ABCD3: variants seen among roughly 807,000 people sequenced by gnomAD.
The protein encoded by ABCD3 is ATP-binding cassette sub-family D member 3.
A neutral mutation model predicts 105.5 loss-of-function variants in ABCD3; 41 were observed. The ratio of observed to expected loss-of-function variants is 0.39; its 90% CI spans 0.30 to 0.50. The LOEUF (loss-of-function observed/expected upper bound fraction) is 0.50, where lower values mean the gene tolerates loss of function less well. Ranked by LOEUF, ABCD3 falls within the 20% of genes least tolerant of loss-of-function variation. The pLI is 0.84. For missense variants in ABCD3, 622 were observed against 806.3 expected (o/e 0.77, Z 2.77); for synonymous variants, 258 against 269.0 (o/e 0.96, Z 0.40).
chr1:94,493,625 T>C (rs1203185919), intron 16 of ABCD3, among the ~76,000 whole-genome samples: 1 of 151,416 alleles, frequency 6.6e-6, no homozygotes, highest in African/African-American at 2.4e-5. Flanking sequence ...ATCATGCTGC[T>C]ATAAAGACAC....
At position 94,507,211 on chromosome 1, in the gene ABCD3, A is replaced by G. The variant is rs542024001; in HGVS notation, c.1845+569A>G. On this transcript the variant is annotated intron_variant, in intron 21 of 22. Coordinates refer to ENST00000370214, the MANE Select transcript of ABCD3 (RefSeq NM_002858.4). ...TGTGTCCATGTGTTCTCATTGTTCA[A>G]TTCCCACCTATGAGTGAGAATATGC... Among the ~76,000 whole-genome samples, 18 of 152,012 alleles carry G rather than the reference A, an allele frequency of 1.2e-4. 1 individual carries two copies. The South Asian group carries it at 2.3e-3, about 19-fold the overall frequency.
At chr1:94,411,270 T>G in the ABCD3 span, among the ~76,000 whole-genome samples, 1 of 152,128 alleles carries the variant, frequency 6.6e-6, no homozygotes, top group Non-Finnish European at 1.5e-5. Flanking sequence ...CAAAGAATTT[T>G]TACAACTCAA....
chr1:94,467,933 A>G lies in ABCD3; in HGVS notation c.261A>G (p.Val87=). ...RTFCKETGYL[V]LIAVMLVSRT... ...GTTTATTTTAGACAGGTTACTTGGT[A>G]CTTATTGCTGTTATGCTGGTGTCTC... The change falls in exon 4 of 23, where the codon GTA becomes GTG. Residue 87 remains valine, a synonymous_variant. Coordinates refer to ENST00000370214, the MANE Select transcript of ABCD3 (RefSeq NM_002858.4). The G allele has an allele frequency of 1.2e-6, 2 of 1,612,584 alleles. No homozygotes were observed. Among genetic ancestry groups the G allele is most frequent in the Non-Finnish European group, 1.7e-6 (2 of 1,178,842 alleles).
rs16946 is a variant in ABCD3 at position 94,464,789 on chromosome 1, G to A, written c.162G>A (p.Lys54=). The A allele has an allele frequency of 0.45, 717,047 of 1,610,872 alleles. 166,889 individuals carry two copies. Among genetic ancestry groups the A allele is most frequent in the Middle Eastern group, 0.54 (3,271 of 6,052 alleles). Reference sequence around the variant, plus strand: ...TTTTAATGCAGAAAGAGGGGAAAAAGGAGCGAGCTGTGGTGGACAAGGTGT... The same window carrying A: ...TTTTAATGCAGAAAGAGGGGAAAAAAGAGCGAGCTGTGGTGGACAAGGTGT... ...PLQNNEKEGK[K]ERAVVDKVFF... Residue 54 remains lysine, a synonymous_variant, in exon 3 of 23, where the codon AAG becomes AAA. Coordinates refer to ENST00000370214, the MANE Select transcript of ABCD3 (RefSeq NM_002858.4).
intron 16 of ABCD3, among the ~76,000 whole-genome samples, chr1:94,494,475 T>G (rs758029799): frequency 1.3e-4 from 20 of 152,202 alleles, no homozygotes; most frequent in Non-Finnish European, 2.5e-4. Context: ...TTATTGTTTT[T>G]CTTAACATAG....
Position 94,418,446 on chromosome 1 carries a change from T to TC in ABCD3, c.-29dup. 6.5e-7 allele frequency: 1 copy of TC among 1,530,664 alleles called. No individual in the cohort carries two copies. Among genetic ancestry groups the TC allele is most frequent in the South Asian group, 1.1e-5 (1 of 87,076 alleles). The allele number at this position is 1,530,664 out of a possible 1,614,324, so 94.8% of individuals were successfully genotyped here. A position where few individuals can be genotyped will look rare whatever the true frequency, so the allele number is the denominator to read the frequency against. On this transcript the variant is annotated 5_prime_UTR_variant, in exon 1 of 23. Transcript: ENST00000370214. Reference sequence around the variant, plus strand: ...AGCCGCCGCCGCCGCCGCCGCCGCGTCCCCTCGCCGGCTCGCTGGTACCGG... The same window carrying TC: ...AGCCGCCGCCGCCGCCGCCGCCGCGTCCCCCTCGCCGGCTCGCTGGTACCGG...
At chr1:94,385,896 A>C in the ABCD3 span, among the ~76,000 whole-genome samples, 1 of 152,240 alleles carries the variant, frequency 6.6e-6, no homozygotes, top group Admixed American at 6.5e-5. Context: ...TAACCATGAA[A>C]AAAAAATGCT....
At chr1:94,410,256 A>G in the ABCD3 span, among the ~76,000 whole-genome samples, 1 of 152,098 alleles carries the variant, frequency 6.6e-6, no homozygotes, top group African/African-American at 2.4e-5. Flanking sequence ...TAGTACTTTG[A>G]TTGTATATCC....
the ABCD3 span, among the ~76,000 whole-genome samples, chr1:94,398,536 C>T: frequency 3.3e-5 from 5 of 152,184 alleles, no homozygotes; most frequent in African/African-American, 9.7e-5. Flanking sequence ...ACCCCCACCC[C>T]CTGCGGTTTG....
the ABCD3 span, among the ~76,000 whole-genome samples, chr1:94,411,372 G>A: frequency 0.39 from 59,279 of 151,940 alleles, 11,946 homozygotes; most frequent in East Asian, 0.46. Context: ...CACGTGAAAA[G>A]ATGCTCAAAA....
At position 94,473,833 on chromosome 1, in the gene ABCD3, C is replaced by G. The variant is rs1231372126; in HGVS notation, c.403C>G (p.Leu135Val). The change falls in exon 5 of 23, where the codon CTT becomes GTT. Residue 135 changes from leucine (L) to valine (V), a missense_variant and splice_region_variant. Physicochemically the swap from Leu to Val is conservative, Grantham distance 32. Around this residue, in one of 4 missense-constraint regions of ABCD3, gnomAD observed 245 missense variants for 356.4 expected, o/e 0.69. Transcript: ENST00000370214. ...YLLNFIAAMP[L>V]ISLVNNFLKY... is the part of the protein sequence containing the mutation. ...ACTCAACTTCATCGCTGCCATGCCT[C>G]TTGTAAGTTTAATTCATTAAAAATC... is the stretch of plus-strand genomic sequence containing the variant. 1 of 1,611,068 alleles carries G rather than the reference C, an allele frequency of 6.2e-7. No individual in the cohort carries two copies. Among genetic ancestry groups the G allele is most frequent in the Non-Finnish European group, 8.5e-7 (1 of 1,178,224 alleles).
At chr1:94,505,553 AGAGAT>A (rs1650312869) in intron 20 of ABCD3, among the ~76,000 whole-genome samples, 1 of 152,024 alleles carries the variant, frequency 6.6e-6, no homozygotes, top group Non-Finnish European at 1.5e-5. Flanking sequence ...AGTATGAGTG[AGAGAT>A]GCATATTGCA....
chr1:94,481,450 A>C (rs922795333), intron 9 of ABCD3: 2 of 152,290 alleles, frequency 1.3e-5, no homozygotes, highest in Admixed American at 6.5e-5. Flanking sequence ...TGCCAAGTAA[A>C]TGAAAGATGC....
chr1:94,482,578 T>G (rs192112086), intron 9 of ABCD3: 1 of 152,878 alleles, frequency 6.5e-6, no homozygotes, highest in East Asian at 1.9e-4. Context: ...TAAAATACCT[T>G]TTTTTTCTAG....
the ABCD3 span, among the ~76,000 whole-genome samples, chr1:94,390,452 G>T: frequency 6.6e-6 from 1 of 152,054 alleles, no homozygotes; most frequent in African/African-American, 2.4e-5. Flanking sequence ...ATAGGTGCAC[G>T]CTGCCAAGCC....
At chr1:94,399,995 G>A in the ABCD3 span, among the ~76,000 whole-genome samples, 2 of 152,116 alleles carry the variant, frequency 1.3e-5, no homozygotes, top group Non-Finnish European at 2.9e-5. Context: ...AGGTTCCTGG[G>A]TGCCACTACA....
chr1:94,388,673 A>G, the ABCD3 span, among the ~76,000 whole-genome samples: 1 of 152,216 alleles, frequency 6.6e-6, no homozygotes, highest in Non-Finnish European at 1.5e-5. Context: ...CACAGAAGAT[A>G]GAATTCCCCC....
chr1:94,500,830 C>A (rs1390968478), intron 20 of ABCD3, among the ~76,000 whole-genome samples: 1 of 151,864 alleles, frequency 6.6e-6, no homozygotes, highest in African/African-American at 2.4e-5. Context: ...AAGAGTAAAT[C>A]ATAAATGAGA....
At chr1:94,441,408 T>A (rs1660130067) in intron 1 of ABCD3, among the ~76,000 whole-genome samples, 1 of 152,214 alleles carries the variant, frequency 6.6e-6, no homozygotes, top group Non-Finnish European at 1.5e-5. Flanking sequence ...ATCCTAGTGG[T>A]AATGCAGAGG....
Sources: allele counts gnomAD v4.1 joint callset (sites outside exome capture counted in the v4.1 genomes callset), GRCh38; gene constraint gnomAD v4.1.1; regional missense constraint gnomAD v4.1.1; transcripts MANE v1.5; gene names NCBI Gene and HGNC (gene_info 2026-07-23, HGNC 2026-07-21).